Variants in TOP3A observed in about 807,000 individuals in gnomAD.
The protein encoded by TOP3A is DNA topoisomerase 3-alpha.
In TOP3A, 64 loss-of-function variants were observed where a neutral mutation model predicts 111.3. The observed-to-expected ratio is 0.57, with a 90% CI of 0.47 to 0.71. TOP3A has a LOEUF of 0.71. Among genes scored for constraint, TOP3A ranks in the 30% least tolerant of loss-of-function variants. The pLI is 0.00. For missense variants in TOP3A, 1,104 were observed against 1,285.0 expected, an observed-to-expected ratio of 0.86 and a Z score of 2.15; for synonymous variants, 484 against 485.1, an observed-to-expected ratio of 1.00 and a Z score of 0.03.
In TOP3A at chr17:18,294,805, G is replaced by C. The variant is rs748608291; in HGVS notation, c.991-20C>G. 2 of 1,574,226 alleles carry C rather than the reference G, an allele frequency of 1.3e-6. No individual in the cohort carries two copies. The highest frequency in any genetic ancestry group is 2.2e-5 in the South Asian group (2 of 90,124). On this transcript the variant is annotated intron_variant, in intron 9 of 18. Coordinates refer to ENST00000321105, the MANE Select transcript of TOP3A (RefSeq NM_004618.5). ...AAGCTCCTGTGAAATGGGTCAACAG[G>C]CATGTTAGGTGTACTGCATGGGTCA...
rs965988397 is a variant in TOP3A at position 18,272,783 on chromosome 17, G to A, written c.*2019C>T. ...GCTCACTGCAACCTCTGCTTCCTGA[G>A]TAGCTGGGATTACAGGTGCCTGACA... is the stretch of plus-strand genomic sequence containing the variant. On this transcript the variant is annotated 3_prime_UTR_variant, in exon 19 of 19. Coordinates refer to ENST00000321105, the MANE Select transcript of TOP3A (RefSeq NM_004618.5). 6.6e-6 allele frequency: 1 copy of A among 151,924 alleles called. No individual in the cohort carries two copies. Among genetic ancestry groups the A allele is most frequent in the African/African-American group, 2.4e-5 (1 of 41,310 alleles). 9.4% of individuals were successfully genotyped at this position (151,924 alleles called of 1,614,324 possible).
rs760267553 is a variant in TOP3A, at chr17:18,290,834, T to C, written c.1467+8A>G. On this transcript the variant is annotated splice_region_variant and intron_variant, in intron 12 of 18. Transcript: ENST00000321105. ...TCCTCCCTCTCACTGGGGACCACTC[T>C]TTATTACCTTGTCACTCCAGTGATC... The C allele has an allele frequency of 5.6e-6, 9 of 1,613,568 alleles. No homozygotes were observed. In the Admixed American group the frequency reaches 1.5e-4, roughly 27 times the overall value.
intron 5 of TOP3A, 25 bp from the exon 6 acceptor site, chr17:18,302,748 G>A (rs763810904): frequency 5.0e-6 from 8 of 1,598,016 alleles, no homozygotes; most frequent in Non-Finnish European, 8.6e-7. Flanking sequence ...GTGTTACCAA[G>A]GTCAAAGTCA....
rs1164596735 is a variant in TOP3A, at chr17:18,299,593, T to C, written c.956A>G (p.Lys319Arg). 3 of 1,614,032 alleles carry C rather than the reference T, an allele frequency of 1.9e-6. No individual in the cohort carries two copies. The highest frequency in any genetic ancestry group is 1.1e-5 in the South Asian group (1 of 91,094). Reference protein sequence around the residue: ...ATVVEVRSKPKSKWRPQALDT... With the variant: ...ATVVEVRSKPRSKWRPQALDT... ...CAAGGCTTGAGGCCGCCACTTGCTC[T>C]TGGGCTTAGATCTGACCTCTACCAC... Residue 319 changes from lysine (K) to arginine (R), a missense_variant, in exon 9 of 19, where the codon AAG (lysine) becomes AGG (arginine). Transcript: ENST00000321105.
rs577386974 is a variant in TOP3A, at chr17:18,289,149, A to T, written c.1597+1408T>A. Among the ~76,000 whole-genome samples, 28 of 152,264 alleles carry T rather than the reference A, an allele frequency of 1.8e-4. No homozygotes were observed. In the South Asian group the frequency reaches 5.8e-3, roughly 32 times the overall value. ...TGCCTCAGCCTCCCAAGTAGCTGGG[A>T]TTACAGGCATGTGCCACCACGCCTA... On this transcript the variant is annotated intron_variant, in intron 13 of 18. Coordinates refer to ENST00000321105, the MANE Select transcript of TOP3A (RefSeq NM_004618.5).
Position 18,292,725 on chromosome 17 carries a change from C to T in TOP3A, c.1201G>A (p.Gly401Ser), listed in dbSNP as rs765361178. 1 of 1,611,520 alleles carries T rather than the reference C, an allele frequency of 6.2e-7. No homozygotes were observed. The highest frequency in any genetic ancestry group is 1.7e-4 in the Middle Eastern group (1 of 6,056). The change falls in exon 11 of 19, where the codon GGT (glycine) becomes AGT (serine). Residue 401 changes from glycine (G) to serine (S), a missense_variant. By Grantham distance (56) the Gly-to-Ser change is moderately conservative. Transcript: ENST00000321105. ...TTGTTCCCATTGCGTGGGGTGGGAC[C>T]ACCCCGCTCTAGAATGCTCTGGGCA... The part of the protein sequence containing the change: ...AFAQSILERG[G>S]PTPRNGNKSD...
chr17:18,290,036 G>A (rs944798710), intron 13 of TOP3A, among the ~76,000 whole-genome samples: 1 of 152,216 alleles, frequency 6.6e-6, no homozygotes, highest in Non-Finnish European at 1.5e-5. Flanking sequence ...GCAGGGTCCT[G>A]GCACATACAT....
chr17:18,287,035 TG>T (rs956381240), intron 13 of TOP3A, among the ~76,000 whole-genome samples: 1 of 151,650 alleles, frequency 6.6e-6, no homozygotes, highest in Non-Finnish European at 1.5e-5. Flanking sequence ...TGGCCCACCT[TG>T]GCCTCCCAAA....
At chr17:18,302,480 G>T (rs750372373) in intron 6 of TOP3A, 46 bp from the exon 7 acceptor site, 6 of 1,595,512 alleles carry the variant, frequency 3.8e-6, no homozygotes, top group East Asian at 4.5e-5. Context: ...GATGGATAAT[G>T]AGAGTCCAGG....
At chr17:18,286,347 CAAAAAAAAA>C (rs57468944) in intron 13 of TOP3A, among the ~76,000 whole-genome samples, 1 of 118,514 alleles carries the variant, frequency 8.4e-6, no homozygotes, top group African/African-American at 3.2e-5. Context: ...ACTAAAAATA[CAAAAAAAAA>C]AAAAAAAAAA....
At chr17:18,307,106 C>T (rs1425390219) in intron 3 of TOP3A, 140 bp from the exon 4 acceptor site, 1 of 610,724 alleles carries the variant, frequency 1.6e-6, no homozygotes. Flanking sequence ...AAGGCTATGA[C>T]CCTCTGCATG....
Position 18,302,228 on chromosome 17 carries a change from T to C in TOP3A, c.814+36A>G, listed in dbSNP as rs185077947. On this transcript the variant is annotated intron_variant, in intron 7 of 18. Coordinates refer to ENST00000321105, the MANE Select transcript of TOP3A (RefSeq NM_004618.5). ...GTCCCCCTCCTTAACCTTGAGCCCATAGGTCCCAGGCCATAACACCCACTC... is the reference window on the plus strand; with the variant it reads ...GTCCCCCTCCTTAACCTTGAGCCCACAGGTCCCAGGCCATAACACCCACTC... 289 of 1,569,888 alleles carry C rather than the reference T, an allele frequency of 1.8e-4. 1 individual carries two copies. In the East Asian group the frequency reaches 4.8e-3, roughly 26 times the overall value.
chr17:18,314,498 G>C (rs1982124427), intron 1 of TOP3A, 101 bp downstream of exon 1: 1 of 1,341,716 alleles, frequency 7.5e-7, no homozygotes, highest in Non-Finnish European at 1.0e-6. Context: ...CCTGAGAAAT[G>C]GGAGATAATC....
At chr17:18,287,058 A>C (rs1415323474) in intron 13 of TOP3A, among the ~76,000 whole-genome samples, 4 of 150,480 alleles carry the variant, frequency 2.7e-5, no homozygotes, top group Admixed American at 6.6e-5. Context: ...TGCTGGGATT[A>C]CAGGTGTGAG....
In TOP3A at chr17:18,314,733, G is replaced by A. The variant is rs1268932491; in HGVS notation, c.46C>T (p.Pro16Ser). The A allele has an allele frequency of 6.3e-7, 1 of 1,582,566 alleles. No individual in the cohort carries two copies. Among genetic ancestry groups the A allele is most frequent in the Admixed American group, 1.8e-5 (1 of 54,884 alleles). The change falls in exon 1 of 19, where the codon CCC (proline) becomes TCC (serine). Residue 16 changes from proline to serine, a missense_variant. By Grantham distance (74) the Pro-to-Ser change is moderately conservative. Transcript: ENST00000321105. Reference protein sequence around the residue: ...ARYALRWLRRPEDRAFSRAAM... With the variant: ...ARYALRWLRRSEDRAFSRAAM... ...GCGCGGGAAAAGGCACGGTCTTCGGGCCGTCGCAGCCACCGGAGCGCGTAG... is the reference window on the plus strand; with the variant it reads ...GCGCGGGAAAAGGCACGGTCTTCGGACCGTCGCAGCCACCGGAGCGCGTAG...
chr17:18,276,628 G>A (rs940815402), intron 18 of TOP3A, among the ~76,000 whole-genome samples: 1 of 152,222 alleles, frequency 6.6e-6, no homozygotes, highest in African/African-American at 2.4e-5. Flanking sequence ...TAAGTCATTT[G>A]TTCAAGGTTA....
intron 11 of TOP3A, 44 bp downstream of exon 11, chr17:18,292,601 C>T (rs1980546182): frequency 6.8e-7 from 1 of 1,480,664 alleles, no homozygotes; most frequent in African/African-American, 1.4e-5. Context: ...ACCCCCAGCA[C>T]TTCCCTATGG....
At position 18,272,227 on chromosome 17, in the gene TOP3A, C is replaced by T. The variant is rs1036629136; in HGVS notation, c.*2575G>A. Among the ~76,000 whole-genome samples the T allele has an allele frequency of 2.6e-5, 4 of 152,118 alleles. No individual in the cohort carries two copies. Among genetic ancestry groups the T allele is most frequent in the African/African-American group, 9.7e-5 (4 of 41,420 alleles). On this transcript the variant is annotated 3_prime_UTR_variant, in exon 19 of 19. Transcript: ENST00000321105. Reference sequence around the variant, plus strand: ...AACCACAATGACACGCCACTTCATACCCACTAGGATGACAAAACACTAGGA... The same window carrying T: ...AACCACAATGACACGCCACTTCATATCCACTAGGATGACAAAACACTAGGA...
intron 13 of TOP3A, among the ~76,000 whole-genome samples, chr17:18,287,134 A>G (rs1047154516): frequency 6.6e-6 from 1 of 151,710 alleles, no homozygotes; most frequent in African/African-American, 2.4e-5. Flanking sequence ...GCAGTGGCTC[A>G]CTCCTGTAAT....
Sources: gnomAD v4.1 joint callset for allele counts (sites outside exome capture counted in the v4.1 genomes callset) on GRCh38, gnomAD v4.1.1 for gene constraint, MANE v1.5 for transcripts, NCBI Gene and HGNC (gene_info 2026-07-23, HGNC 2026-07-21) for gene names.